Variants in SH3D19 observed in about 807,000 individuals in gnomAD.
The protein encoded by SH3D19 is SH3 domain-containing protein 19.
Under a neutral mutation model 112.1 loss-of-function variants are expected in SH3D19, and 58 were observed. The ratio of observed to expected loss-of-function variants is 0.52; its 90% CI spans 0.42 to 0.64. The LOEUF is 0.64. SH3D19 is among the 30% of genes least tolerant of loss of function. The pLI, the probability that SH3D19 is intolerant of heterozygous loss-of-function variation, is 0.00. For synonymous variants in SH3D19, 391 were observed against 448.5 expected, an observed-to-expected ratio of 0.87 and a Z score of 1.62; for missense variants, 1,090 against 1,263.4, an observed-to-expected ratio of 0.86 and a Z score of 2.08.
At position 151,247,266 on chromosome 4, in the gene SH3D19, G is replaced by A. The variant is rs530169194; in HGVS notation, c.113-21180C>T. On this transcript the variant is annotated intron_variant, in intron 1 of 19. Transcript: ENST00000604030. ...TTATTTCACCTTCATAAAAAGGAAC[G>A]AACTGGAAGCCTTCCTTCATTTTCT... is the stretch of plus-strand genomic sequence containing the variant. 1.3e-4 allele frequency among the ~76,000 whole-genome samples: 20 copies of A among 152,146 alleles called. No homozygotes were observed. In the South Asian group the frequency reaches 4.1e-3, roughly 32 times the overall value.
At chr4:151,284,411 G>C (rs1774539784) in intron 1 of SH3D19, among the ~76,000 whole-genome samples, 1 of 151,940 alleles carries the variant, frequency 6.6e-6, no homozygotes, top group Non-Finnish European at 1.5e-5. Flanking sequence ...ATGACCATTT[G>C]GTTTTATTCT....
At chr4:151,124,610 C>G (rs1460828121) in intron 19 of SH3D19, among the ~76,000 whole-genome samples, 1 of 151,934 alleles carries the variant, frequency 6.6e-6, no homozygotes, top group Non-Finnish European at 1.5e-5. Flanking sequence ...CCCAGCTACT[C>G]AGGAGGCTGA....
chr4:151,148,367 C>T (rs1754316322), intron 10 of SH3D19, among the ~76,000 whole-genome samples, 181 bp from the exon 11 acceptor site: 1 of 152,054 alleles, frequency 6.6e-6, no homozygotes, highest in Non-Finnish European at 1.5e-5. Context: ...ACGACTGCTG[C>T]ATTAAACATT....
At chr4:151,162,687 T>C (rs1436398742) in intron 8 of SH3D19, among the ~76,000 whole-genome samples, 1 of 149,320 alleles carries the variant, frequency 6.7e-6, no homozygotes, top group African/African-American at 2.5e-5. Flanking sequence ...CTCCAAATCC[T>C]GGGTTTAGGC....
chr4:151,253,685 A>G (rs1001112994), intron 1 of SH3D19, among the ~76,000 whole-genome samples: 1 of 151,856 alleles, frequency 6.6e-6, no homozygotes, highest in Non-Finnish European at 1.5e-5. Flanking sequence ...AGCTTGCAGT[A>G]AGCCGAAATC....
At chr4:151,168,910 A>G (rs2149813934) in intron 7 of SH3D19, among the ~76,000 whole-genome samples, 1 of 152,268 alleles carries the variant, frequency 6.6e-6, no homozygotes, top group East Asian at 1.9e-4. Context: ...TAAGACCTAC[A>G]CACTCACATT....
chr4:151,239,609 G>A (rs976144652), intron 1 of SH3D19, among the ~76,000 whole-genome samples: 1 of 152,144 alleles, frequency 6.6e-6, no homozygotes, highest in Non-Finnish European at 1.5e-5. Context: ...CAATTACGAC[G>A]ACGAAGCATA....
chr4:151,214,795 C>T (rs76250235), intron 2 of SH3D19, among the ~76,000 whole-genome samples: 1 of 13,404 alleles, frequency 7.5e-5, no homozygotes, highest in East Asian at 7.9e-3. Context: ...GGACGGAGCG[C>T]CTGGCCTGGC....
At chr4:151,309,560 T>C (rs543526594) in intron 1 of SH3D19, among the ~76,000 whole-genome samples, 17 of 152,290 alleles carry the variant, frequency 1.1e-4, no homozygotes, top group East Asian at 1.9e-4. Flanking sequence ...AAAAGATGAA[T>C]AGATGTTTTT....
chr4:151,213,674 TAA>T (rs1491476041), intron 2 of SH3D19, among the ~76,000 whole-genome samples: 9 of 148,622 alleles, frequency 6.1e-5, no homozygotes, highest in African/African-American at 2.2e-4. Flanking sequence ...ATGAATTAAT[TAA>T]TTAATTAATT....
chr4:151,224,073 G>C (rs1291693168), intron 2 of SH3D19, among the ~76,000 whole-genome samples: 1 of 152,164 alleles, frequency 6.6e-6, no homozygotes, highest in African/African-American at 2.4e-5. Flanking sequence ...ACCTTGGGAG[G>C]CCGAGGCAGG....
intron 8 of SH3D19, among the ~76,000 whole-genome samples, chr4:151,161,644 T>A (rs10014525): frequency 0.7 from 103,404 of 148,442 alleles, 38,382 homozygotes; most frequent in Non-Finnish European, 0.84. Context: ...ATATATATTT[T>A]AATTATACTT....
intron 19 of SH3D19, among the ~76,000 whole-genome samples, chr4:151,125,216 C>A (rs1433514208): frequency 6.6e-6 from 1 of 152,072 alleles, no homozygotes; most frequent in African/African-American, 2.4e-5. Context: ...TGCCTGTAAC[C>A]CAGCTCTTTG....
At chr4:151,314,818 C>G (rs1228082677) in intron 1 of SH3D19, among the ~76,000 whole-genome samples, 1 of 152,190 alleles carries the variant, frequency 6.6e-6, no homozygotes, top group Non-Finnish European at 1.5e-5. Flanking sequence ...CTCAGTGCTT[C>G]GGTTCCAACC....
intron 11 of SH3D19, among the ~76,000 whole-genome samples, chr4:151,144,597 G>T (rs1472661633): frequency 6.6e-6 from 1 of 152,190 alleles, no homozygotes; most frequent in East Asian, 1.9e-4. Flanking sequence ...GGGTTTGAAG[G>T]AGAAACACCC....
At chr4:151,214,309 T>C (rs1766526237) in intron 2 of SH3D19, among the ~76,000 whole-genome samples, 2 of 150,666 alleles carry the variant, frequency 1.3e-5, no homozygotes, top group Non-Finnish European at 3.0e-5. Flanking sequence ...TCTCAATCTT[T>C]TCCCCACCTT....
chr4:151,135,692 G>A (rs530054919), intron 14 of SH3D19, among the ~76,000 whole-genome samples: 13 of 152,064 alleles, frequency 8.5e-5, no homozygotes, highest in South Asian at 2.1e-4. Context: ...GCCTCCCAAA[G>A]TGCTGGTATT....
At chr4:151,322,654 G>T (rs1730667033) in intron 1 of SH3D19, among the ~76,000 whole-genome samples, 1 of 152,114 alleles carries the variant, frequency 6.6e-6, no homozygotes, top group South Asian at 2.1e-4. Context: ...ATAAAACTGT[G>T]ATTAATCAAA....
chr4:151,167,512 C>T (rs1758246104), intron 7 of SH3D19, among the ~76,000 whole-genome samples: 1 of 151,624 alleles, frequency 6.6e-6, no homozygotes, highest in East Asian at 1.9e-4. Context: ...AAAAACAAAC[C>T]CAGGATCATT....
Sources: allele counts gnomAD v4.1 joint callset (sites outside exome capture counted in the v4.1 genomes callset), GRCh38; gene constraint gnomAD v4.1.1; transcripts MANE v1.5; gene names NCBI Gene and HGNC (gene_info 2026-07-23, HGNC 2026-07-21).